The following LRRC7 variants were observed in gnomAD, a reference collection of about 807,000 sequenced individuals.
LRRC7 encodes the protein leucine-rich repeat-containing protein 7.
A neutral mutation model predicts 175.7 loss-of-function variants in LRRC7; 23 were observed. That is an observed-to-expected ratio of 0.13 (90% CI 0.09 to 0.19). The LOEUF (loss-of-function observed/expected upper bound fraction) is 0.19. Among genes scored for constraint, LRRC7 ranks in the 10% least tolerant of loss-of-function variants. The probability of loss-of-function intolerance (pLI) is 1.00; values close to 1 mark genes in which losing one functional copy is unlikely to be tolerated. For missense variants in LRRC7, 1,354 were observed against 1,904.7 expected, an observed-to-expected ratio of 0.71 and a Z score of 5.38; for synonymous variants, 685 against 680.9, an observed-to-expected ratio of 1.01 and a Z score of -0.09.
At chr1:70,078,794 G>A (rs200430528) in intron 24 of LRRC7, among the ~76,000 whole-genome samples, 11 of 96,766 alleles carry the variant, frequency 1.1e-4, no homozygotes, top group South Asian at 7.5e-4. Context: ...CTACATATAC[G>A]CGCGCGCGCG....
chr1:69,804,128 G>T (rs113960529), intron 4 of LRRC7, among the ~76,000 whole-genome samples: 1 of 151,156 alleles, frequency 6.6e-6, no homozygotes, highest in African/African-American at 2.4e-5. Context: ...TTTATTCACC[G>T]TTGTTTTTAT....
At chr1:70,006,594 T>C (rs948743730) in intron 11 of LRRC7, among the ~76,000 whole-genome samples, 1 of 152,172 alleles carries the variant, frequency 6.6e-6, no homozygotes, top group African/African-American at 2.4e-5. Context: ...CAAGCAACTT[T>C]GCAGTTCTCA....
chr1:69,872,181 TAGTACA>T, intron 7 of LRRC7, among the ~76,000 whole-genome samples: 1 of 152,104 alleles, frequency 6.6e-6, no homozygotes, highest in Middle Eastern at 3.4e-3. Flanking sequence ...ACGTTTAAAT[TAGTACA>T]AGTTGGTAAA....
intron 17 of LRRC7, 49 bp from the exon 18 acceptor site, chr1:70,028,122 T>C (rs774602485): frequency 4.7e-6 from 7 of 1,491,648 alleles, no homozygotes; most frequent in South Asian, 1.2e-5. Context: ...TTTGTGAACA[T>C]GCTTGCTGAA....
chr1:69,764,357 T>C (rs1671368398), intron 3 of LRRC7, among the ~76,000 whole-genome samples: 1 of 151,732 alleles, frequency 6.6e-6, no homozygotes. Flanking sequence ...TTCTTGAAAC[T>C]GAAGAACTTT....
intron 1 of LRRC7, among the ~76,000 whole-genome samples, chr1:69,608,854 CTCTCTCTCTCTCTATATATATATATA>C (rs1182592520): frequency 0.018 from 612 of 34,658 alleles, 1 homozygote; most frequent in Non-Finnish European, 0.023. Context: ...CTCTCTCTCT[CTCTCTCTCTCTCTATATATATATATA>C]TATATATATA....
intron 1 of LRRC7, among the ~76,000 whole-genome samples, chr1:69,659,957 TAAATTC>T (rs71581198): frequency 0.26 from 39,420 of 151,642 alleles, 5,383 homozygotes; most frequent in East Asian, 0.39. Flanking sequence ...ATAGTAGACT[TAAATTC>T]AAGTTATCAG....
At chr1:69,972,936 TTA>T (rs930945130) in intron 8 of LRRC7, among the ~76,000 whole-genome samples, 5 of 146,320 alleles carry the variant, frequency 3.4e-5, no homozygotes, top group East Asian at 1.9e-4. Context: ...ATATATATAT[TTA>T]TATATATATA....
At chr1:69,816,420 A>G (rs1291551074) in intron 4 of LRRC7, among the ~76,000 whole-genome samples, 1 of 152,210 alleles carries the variant, frequency 6.6e-6, no homozygotes, top group African/African-American at 2.4e-5. Context: ...GGAGGATACA[A>G]ATATTCAAAC....
intron 2 of LRRC7, among the ~76,000 whole-genome samples, chr1:69,685,626 A>C (rs1661046163): frequency 6.6e-6 from 1 of 152,196 alleles, no homozygotes; most frequent in South Asian, 2.1e-4. Context: ...TGAAAATTAC[A>C]GAAAAGAGAT....
At chr1:69,906,568 G>A (rs1043738054) in intron 7 of LRRC7, among the ~76,000 whole-genome samples, 1 of 152,188 alleles carries the variant, frequency 6.6e-6, no homozygotes, top group African/African-American at 2.4e-5. Flanking sequence ...TCAGATGGTT[G>A]TAGATATGTG....
intron 21 of LRRC7, among the ~76,000 whole-genome samples, chr1:70,043,387 C>A (rs778273687): frequency 4.3e-4 from 66 of 152,170 alleles, no homozygotes; most frequent in Middle Eastern, 3.4e-3. Flanking sequence ...TTCAATCAAG[C>A]CTATGGTAAG....
intron 7 of LRRC7, among the ~76,000 whole-genome samples, chr1:69,847,826 TTCTTATTAAAACATAC>T (rs1205116957): frequency 6.6e-6 from 1 of 152,098 alleles, no homozygotes; most frequent in Non-Finnish European, 1.5e-5. Context: ...TGTCAGAGCT[TTCTTATTAAAACATAC>T]CAAGGCACAT....
intron 8 of LRRC7, among the ~76,000 whole-genome samples, chr1:69,932,963 G>A (rs1647542338): frequency 6.6e-6 from 1 of 152,184 alleles, no homozygotes; most frequent in Admixed American, 6.5e-5. Flanking sequence ...AAACTCTCTA[G>A]GAGCATTGGC....
intron 8 of LRRC7, among the ~76,000 whole-genome samples, chr1:69,973,070 CAT>C (rs1163646312): frequency 5.7e-5 from 8 of 139,980 alleles, no homozygotes; most frequent in South Asian, 2.2e-4. Flanking sequence ...TATAAAGTAC[CAT>C]ATATATATAT....
chr1:69,790,106 A>C (rs1569886360), intron 3 of LRRC7, among the ~76,000 whole-genome samples: 1 of 152,062 alleles, frequency 6.6e-6, no homozygotes, highest in East Asian at 1.9e-4. Context: ...TGTGACTTAG[A>C]ACTGATGAAT....
At chr1:69,866,085 T>A (rs908023050) in intron 7 of LRRC7, among the ~76,000 whole-genome samples, 1 of 152,170 alleles carries the variant, frequency 6.6e-6, no homozygotes, top group African/African-American at 2.4e-5. Context: ...AACACAATGC[T>A]CTTGCTTTAG....
chr1:70,082,803 TTTTTTTTTTG>T, intron 24 of LRRC7, among the ~76,000 whole-genome samples: 1 of 123,032 alleles, frequency 8.1e-6, no homozygotes, highest in Non-Finnish European at 1.7e-5. Flanking sequence ...TTTTTTTTTT[TTTTTTTTTTG>T]AGACAAAGCC....
At chr1:69,753,136 A>G (rs1434044625) in intron 2 of LRRC7, among the ~76,000 whole-genome samples, 1 of 152,090 alleles carries the variant, frequency 6.6e-6, no homozygotes, top group Non-Finnish European at 1.5e-5. Context: ...TGCTCAACTC[A>G]GTTTCTGAAA....
Sources: gnomAD v4.1 joint callset for allele counts (sites outside exome capture counted in the v4.1 genomes callset) on GRCh38, gnomAD v4.1.1 for gene constraint, MANE v1.5 for transcripts, NCBI Gene and HGNC (gene_info 2026-07-23, HGNC 2026-07-21) for gene names.